KCNC2: variants seen among roughly 807,000 people sequenced by gnomAD.
KCNC2 encodes the protein voltage-gated potassium channel KCNC2.
KCNC2 carries 21 observed loss-of-function variants against 44.5 expected under a neutral mutation model. That is an observed-to-expected ratio of 0.47 (90% confidence interval 0.33 to 0.68). The LOEUF (loss-of-function observed/expected upper bound fraction) is 0.68, where lower values mean the gene tolerates loss of function less well. Among genes scored for constraint, KCNC2 ranks in the 30% least tolerant of loss-of-function variants. The pLI is 0.01. For synonymous variants in KCNC2, 391 were observed against 339.1 expected, an observed-to-expected ratio of 1.15 and a Z score of -1.68; for missense variants, 589 against 826.2, an observed-to-expected ratio of 0.71 and a Z score of 3.52.
At chr12:75,043,340 C>A in intron 4 of KCNC2, 99 bp from the exon 5 acceptor site, 1 of 1,474,476 alleles carries the variant, frequency 6.8e-7, no homozygotes, top group Non-Finnish European at 9.0e-7. Flanking sequence ...CTTTCAAGCT[C>A]AAAGAAGAAT....
intron 2 of KCNC2, among the ~76,000 whole-genome samples, chr12:75,191,362 T>G (rs1321131484): frequency 6.6e-6 from 1 of 151,564 alleles, no homozygotes; most frequent in African/African-American, 2.4e-5. Context: ...CCTCAGGCTA[T>G]TCAATATTTT....
At chr12:75,178,970 G>A (rs1892375196) in intron 2 of KCNC2, among the ~76,000 whole-genome samples, 1 of 151,812 alleles carries the variant, frequency 6.6e-6, no homozygotes, top group African/African-American at 2.4e-5. Context: ...GAGCTTGAAT[G>A]TTTTTTCCCT....
At chr12:75,187,572 T>C (rs1893037936) in intron 2 of KCNC2, among the ~76,000 whole-genome samples, 1 of 152,206 alleles carries the variant, frequency 6.6e-6, no homozygotes, top group Admixed American at 6.5e-5. Flanking sequence ...AGGAGAATTA[T>C]TTGCAGAAGA....
At chr12:75,043,282 A>G (rs1880123967) in intron 4 of KCNC2, 41 bp from the exon 5 acceptor site, 2 of 1,609,904 alleles carry the variant, frequency 1.2e-6, no homozygotes, top group South Asian at 1.1e-5. Flanking sequence ...GAATTCAACC[A>G]GAATATAGAC....
chr12:75,063,589 A>G (rs1882550593), intron 2 of KCNC2, among the ~76,000 whole-genome samples: 1 of 152,016 alleles, frequency 6.6e-6, no homozygotes, highest in African/African-American at 2.4e-5. Flanking sequence ...GTTGAGGGTG[A>G]TGGTGGGGGA....
chr12:75,138,979 T>TAAAAAA lies in KCNC2; in HGVS notation c.687+68312_687+68317dup, dbSNP rs373729570. Among the ~76,000 whole-genome samples the TAAAAAA allele has an allele frequency of 2.0e-3, 156 of 77,898 alleles. 16 individuals are homozygous for TAAAAAA. The East Asian group carries it at 0.059, about 30-fold the overall frequency. 51.1% of individuals were successfully genotyped at this position (77,898 alleles called of 152,430 possible). ...CTGGGCCACAGAGCGAGACTCCGTGTAAAAAAAAAAAAAAAAAAAAAAAAA... is the reference window on the plus strand; with the variant it reads ...CTGGGCCACAGAGCGAGACTCCGTGTAAAAAAAAAAAAAAAAAAAAAAAAAAAAAAA... On this transcript the variant is annotated intron_variant, in intron 2 of 4. Transcript: ENST00000549446.
At chr12:75,158,320 T>A (rs967577989) in intron 2 of KCNC2, among the ~76,000 whole-genome samples, 1 of 151,904 alleles carries the variant, frequency 6.6e-6, no homozygotes, top group South Asian at 2.1e-4. Flanking sequence ...AAAACAGTTA[T>A]CTGCACAGCT....
chr12:75,085,803 T>C (rs928535144), intron 2 of KCNC2, among the ~76,000 whole-genome samples: 1 of 152,070 alleles, frequency 6.6e-6, no homozygotes, highest in African/African-American at 2.4e-5. Context: ...ACTTTCCTAG[T>C]AACCTTCCAA....
intron 2 of KCNC2, among the ~76,000 whole-genome samples, chr12:75,182,520 C>CAAAAAAAAAAAAAAA (rs71438888): frequency 4.9e-5 from 4 of 81,432 alleles, no homozygotes; most frequent in African/African-American, 1.6e-4. Flanking sequence ...GATTCCGTCT[C>CAAAAAAAAAAAAAAA]AAAAAAAAAA....
intron 2 of KCNC2, among the ~76,000 whole-genome samples, chr12:75,111,167 G>C (rs1455109573): frequency 9.2e-5 from 14 of 152,086 alleles, no homozygotes; most frequent in Admixed American, 9.2e-4. Flanking sequence ...CACTGTGTTA[G>C]CTGTTTATAT....
rs549864559 is a variant in KCNC2 at position 75,108,674 on chromosome 12, G to A, written c.688-57357C>T. ...CACTTGCTCCCCTCAAGCCCTCAGA[G>A]CTTCTCTTAAATGGATTATCTTTGC... On this transcript the variant is annotated intron_variant, in intron 2 of 4. Coordinates refer to ENST00000549446, the MANE Select transcript of KCNC2 (RefSeq NM_139137.4). Among the ~76,000 whole-genome samples, 124 of 152,134 alleles carry A rather than the reference G, an allele frequency of 8.2e-4. 1 individual carries two copies. Among genetic ancestry groups the A allele is most frequent in the Non-Finnish European group, 1.5e-3 (100 of 68,012 alleles).
intron 2 of KCNC2, among the ~76,000 whole-genome samples, chr12:75,053,974 G>T (rs1881465195): frequency 6.6e-6 from 1 of 151,642 alleles, no homozygotes; most frequent in Admixed American, 6.6e-5. Flanking sequence ...TGTAATCCCA[G>T]CACTTTGGGA....
At chr12:75,046,785 C>T (rs142504209) in intron 4 of KCNC2, among the ~76,000 whole-genome samples, 7 of 151,762 alleles carry the variant, frequency 4.6e-5, no homozygotes, top group African/African-American at 1.7e-4. Flanking sequence ...TAGATGCAAA[C>T]AATGGAAGTA....
chr12:75,178,129 G>A (rs1207827971), intron 2 of KCNC2, among the ~76,000 whole-genome samples: 1 of 151,952 alleles, frequency 6.6e-6, no homozygotes, highest in Non-Finnish European at 1.5e-5. Context: ...CTGAAGGCAT[G>A]TCCTGGCATG....
At chr12:75,146,244 C>A (rs1343867060) in intron 2 of KCNC2, among the ~76,000 whole-genome samples, 2 of 152,102 alleles carry the variant, frequency 1.3e-5, no homozygotes, top group African/African-American at 2.4e-5. Context: ...AACAACCTTA[C>A]TGACTTTTAT....
intron 2 of KCNC2, among the ~76,000 whole-genome samples, chr12:75,085,010 T>C (rs538386183): frequency 1.5e-4 from 19 of 124,164 alleles, no homozygotes; most frequent in Non-Finnish European, 1.7e-5. Flanking sequence ...GACTTAAAAT[T>C]CCCCCAAATG....
At chr12:75,147,674 C>T (rs1165281013) in intron 2 of KCNC2, among the ~76,000 whole-genome samples, 1 of 152,056 alleles carries the variant, frequency 6.6e-6, no homozygotes, top group Admixed American at 6.6e-5. Flanking sequence ...GAGCAAAGCA[C>T]AGACATGACA....
chr12:75,053,598 G>T (rs1289852968), intron 2 of KCNC2, among the ~76,000 whole-genome samples: 3 of 151,678 alleles, frequency 2.0e-5, no homozygotes, highest in Non-Finnish European at 4.4e-5. Flanking sequence ...CCATGATTTT[G>T]TATTTGTATT....
intron 2 of KCNC2, among the ~76,000 whole-genome samples, chr12:75,071,268 A>T (rs959781918): frequency 6.6e-5 from 10 of 152,078 alleles, no homozygotes; most frequent in Middle Eastern, 3.4e-3. Context: ...GGTAGCAATT[A>T]AAAAAAACCC....
Sources: allele counts gnomAD v4.1 joint callset (sites outside exome capture counted in the v4.1 genomes callset), GRCh38; gene constraint gnomAD v4.1.1; transcripts MANE v1.5; gene names NCBI Gene and HGNC (gene_info 2026-07-23, HGNC 2026-07-21).